Variants in SLC38A1 observed in about 807,000 individuals in gnomAD.
The protein encoded by SLC38A1 is sodium-coupled neutral amino acid symporter 1.
In SLC38A1, 18 loss-of-function variants were observed where a neutral mutation model predicts 60.3. The observed-to-expected ratio is 0.30, with a 90% confidence interval of 0.21 to 0.44. The LOEUF is 0.44. SLC38A1 is among the 20% of genes least tolerant of loss of function. SLC38A1 has a pLI of 1.00. For missense variants in SLC38A1, 448 were observed against 587.2 expected (o/e 0.76, Z 2.45); for synonymous variants, 196 against 212.1 (o/e 0.92, Z 0.66).
chr12:46,239,643 TTCAC>T (rs756356121), intron 3 of SLC38A1, 32 bp downstream of exon 3: 12 of 1,610,732 alleles, frequency 7.5e-6, no homozygotes, highest in Non-Finnish European at 9.3e-6. Context: ...AGCCATTTCT[TTCAC>T]TGGATAGAAA....
intron 5 of SLC38A1, among the ~76,000 whole-genome samples, chr12:46,223,771 C>T (rs549198752): frequency 1.3e-5 from 2 of 152,154 alleles, no homozygotes; most frequent in East Asian, 1.9e-4. Context: ...TCAGAAGTGT[C>T]GTGAATTCTA....
In SLC38A1 at chr12:46,185,330, A is replaced by G. The variant is rs1478507637; in HGVS notation, c.*3640T>C. 3 of 152,122 alleles carry G rather than the reference A, an allele frequency of 2.0e-5. No individual in the cohort carries two copies. Among genetic ancestry groups the G allele is most frequent in the Non-Finnish European group, 4.4e-5 (3 of 68,064 alleles). The allele number at this position is 152,122 out of a possible 1,614,324, so 9.4% of individuals were successfully genotyped here. ...TCTAGAAAGCAGTCAGTTCCAGGGT[A>G]ATAGTCTTAGGTGCTCGCCGAAGCA... On this transcript the variant is annotated 3_prime_UTR_variant, in exon 17 of 17. Transcript: ENST00000398637.
intron 1 of SLC38A1, among the ~76,000 whole-genome samples, chr12:46,244,838 T>A (rs1187092578): frequency 6.6e-6 from 1 of 152,240 alleles, no homozygotes; most frequent in African/African-American, 2.4e-5. Flanking sequence ...CAGATCTCTG[T>A]TAAATGAAAC....
chr12:46,197,842 G>A lies in SLC38A1; in HGVS notation c.1265-25C>T, dbSNP rs752524138. On this transcript the variant is annotated intron_variant, in intron 15 of 16. Transcript: ENST00000398637. Reference sequence around the variant, plus strand: ...CCTGTAAAATAAGACAAAAGAGAAAGTTTAGCATTGCTATTGTGAAAATTT... The same window carrying A: ...CCTGTAAAATAAGACAAAAGAGAAAATTTAGCATTGCTATTGTGAAAATTT... 2.5e-6 allele frequency: 4 copies of A among 1,599,702 alleles called. No homozygotes were observed. In the Admixed American group the frequency reaches 7.0e-5, roughly 28 times the overall value.
At chr12:46,205,983 T>A in intron 9 of SLC38A1, 97 bp downstream of exon 9, 1 of 679,450 alleles carries the variant, frequency 1.5e-6, no homozygotes, top group Admixed American at 2.6e-5. Context: ...TTTGAGTGCA[T>A]GCAGAGGGGA....
chr12:46,230,135 G>A (rs1404569735), intron 3 of SLC38A1, among the ~76,000 whole-genome samples: 1 of 152,164 alleles, frequency 6.6e-6, no homozygotes, highest in African/African-American at 2.4e-5. Context: ...TTTCTTTTGA[G>A]CTCAGGTTCT....
intron 1 of SLC38A1, among the ~76,000 whole-genome samples, chr12:46,262,025 G>A (rs756307834): frequency 9.9e-5 from 15 of 152,198 alleles, no homozygotes; most frequent in Non-Finnish European, 1.9e-4. Flanking sequence ...GTAGTGTGAA[G>A]GGCAAGAAGC....
At chr12:46,193,205 G>T (rs1939219128) in intron 16 of SLC38A1, among the ~76,000 whole-genome samples, 1 of 152,172 alleles carries the variant, frequency 6.6e-6, no homozygotes, top group Non-Finnish European at 1.5e-5. Flanking sequence ...TAGTCATTCA[G>T]GAGCAGGTTT....
Position 46,209,107 on chromosome 12 carries a change from G to A in SLC38A1, c.335C>T (p.Thr112Ile), listed in dbSNP as rs1395114075. Residue 112 changes from threonine to isoleucine, a missense_variant, in exon 6 of 17, where the codon ACA becomes ATA. Around this residue, in one of 2 missense-constraint regions of SLC38A1, gnomAD observed 346 missense variants for 497.5 expected, o/e 0.70. Transcript: ENST00000398637. ...GTTTATTGAATATATAGACAGCAAT[G>A]TCACTGAAGTCAAAAGTACCCTAAA... ...LLFLVLLTSV[T>I]LLSIYSINLL... 2 of 1,608,826 alleles carry A rather than the reference G, an allele frequency of 1.2e-6. No homozygotes were observed. Among genetic ancestry groups the A allele is most frequent in the Non-Finnish European group, 1.7e-6 (2 of 1,176,014 alleles).
intron 5 of SLC38A1, among the ~76,000 whole-genome samples, chr12:46,220,124 A>C (rs1940599200): frequency 6.6e-6 from 1 of 152,234 alleles, no homozygotes; most frequent in African/African-American, 2.4e-5. Flanking sequence ...CTGTTTACAA[A>C]ATAGGCACTC....
intron 5 of SLC38A1, among the ~76,000 whole-genome samples, chr12:46,217,809 G>T (rs1940481301): frequency 6.6e-6 from 1 of 152,166 alleles, no homozygotes; most frequent in Non-Finnish European, 1.5e-5. Flanking sequence ...AATTAAACGG[G>T]TGGTTTTAAA....
At position 46,185,003 on chromosome 12, in the gene SLC38A1, C is replaced by T. The variant is rs781182835; in HGVS notation, c.*3967G>A. ...TTCTTGCCATTGCAGAGACCCCTGC[C>T]GCCAGGCTCCTTTCCTCCCCTCCCT... On this transcript the variant is annotated 3_prime_UTR_variant, in exon 17 of 17. Transcript: ENST00000398637. 3 of 152,194 alleles carry T rather than the reference C, an allele frequency of 2.0e-5. No homozygotes were observed. The highest frequency in any genetic ancestry group is 1.9e-4 in the East Asian group (1 of 5,192). 9.4% of individuals were successfully genotyped at this position (152,194 alleles called of 1,614,324 possible).
At chr12:46,206,723 C>T (rs1449331538) in intron 8 of SLC38A1, among the ~76,000 whole-genome samples, 1 of 152,188 alleles carries the variant, frequency 6.6e-6, no homozygotes, top group Non-Finnish European at 1.5e-5. Flanking sequence ...GTAGCTGCAA[C>T]ATTTTCCAGG....
At position 46,194,948 on chromosome 12, in the gene SLC38A1, C is replaced by G. The variant is rs151149541; in HGVS notation, c.1362+2772G>C. On this transcript the variant is annotated intron_variant, in intron 16 of 16. Transcript: ENST00000398637. Reference sequence around the variant, plus strand: ...AGCCTACTTCTGTCAACTTGTCAAACTCATTCTCCGTCTAGTTTTGTTCCC... The same window carrying G: ...AGCCTACTTCTGTCAACTTGTCAAAGTCATTCTCCGTCTAGTTTTGTTCCC... Among the ~76,000 whole-genome samples, 1,041 of 152,290 alleles carry G rather than the reference C, an allele frequency of 6.8e-3. 7 individuals carry two copies. The highest frequency in any genetic ancestry group is 0.023 in the African/African-American group (969 of 41,566).
chr12:46,204,320 T>C lies in SLC38A1; in HGVS notation c.803A>G (p.Tyr268Cys). The change falls in exon 11 of 17, where the codon TAT becomes TGT. Residue 268 changes from tyrosine (Y) to cysteine (C), a missense_variant. By Grantham distance (194) the Tyr-to-Cys change is radical. Around this residue, in one of 2 missense-constraint regions of SLC38A1, gnomAD observed 346 missense variants for 497.5 expected, o/e 0.70. Coordinates refer to ENST00000398637, the MANE Select transcript of SLC38A1 (RefSeq NM_030674.4). ...STNADTCTPK[Y>C]VTFNSKTVYA... Reference sequence around the variant, plus strand: ...ACTTACCTTTGAATTGAAGGTAACATATTTTGGCGTACACGTGTCAGCATT... The same window carrying C: ...ACTTACCTTTGAATTGAAGGTAACACATTTTGGCGTACACGTGTCAGCATT... The C allele has an allele frequency of 6.2e-7, 1 of 1,608,834 alleles. No homozygotes were observed. Among genetic ancestry groups the C allele is most frequent in the African/African-American group, 1.3e-5 (1 of 74,906 alleles).
intron 3 of SLC38A1, among the ~76,000 whole-genome samples, chr12:46,230,820 A>G (rs1941046764): frequency 6.6e-6 from 1 of 152,206 alleles, no homozygotes; most frequent in South Asian, 2.1e-4. Flanking sequence ...GAGGATGTGG[A>G]AAAAAAGGAA....
At chr12:46,266,214 A>G (rs184859559) in intron 1 of SLC38A1, among the ~76,000 whole-genome samples, 3 of 152,318 alleles carry the variant, frequency 2.0e-5, no homozygotes, top group East Asian at 3.9e-4. Flanking sequence ...TAGAGGAACA[A>G]TGAGTAAAAT....
intron 1 of SLC38A1, among the ~76,000 whole-genome samples, chr12:46,253,668 C>T (rs1941933372): frequency 6.6e-6 from 1 of 152,140 alleles, no homozygotes. Flanking sequence ...ATGCTTTAAC[C>T]ATCTGGAAAT....
At chr12:46,241,706 T>G (rs926689428) in intron 2 of SLC38A1, among the ~76,000 whole-genome samples, 6 of 152,174 alleles carry the variant, frequency 3.9e-5, no homozygotes, top group African/African-American at 1.4e-4. Context: ...AAAGCTGAAA[T>G]GAATTAAAAT....
Sources: allele counts gnomAD v4.1 joint callset (sites outside exome capture counted in the v4.1 genomes callset), GRCh38; gene constraint gnomAD v4.1.1; regional missense constraint gnomAD v4.1.1; transcripts MANE v1.5; gene names NCBI Gene and HGNC (gene_info 2026-07-23, HGNC 2026-07-21).